Variants in CHN2 observed in about 807,000 individuals in gnomAD.
CHN2 encodes chimerin 2, also known as beta-chimaerin.
CHN2 carries 35 observed loss-of-function variants against 56.3 expected under a neutral mutation model. The observed-to-expected ratio is 0.62, with a 90% CI of 0.47 to 0.82. The LOEUF is 0.82. Ranked by LOEUF, CHN2 falls within the 40% of genes least tolerant of loss-of-function variation. The probability of loss-of-function intolerance (pLI) is 0.00; values close to 1 mark genes in which losing one functional copy is unlikely to be tolerated. For synonymous variants in CHN2, 210 were observed against 212.8 expected (o/e 0.99, Z 0.12); for missense variants, 491 against 580.5 (o/e 0.85, Z 1.58).
At chr7:29,329,534 T>C (rs1456360149) in intron 1 of CHN2, among the ~76,000 whole-genome samples, 1 of 152,164 alleles carries the variant, frequency 6.6e-6, no homozygotes, top group Non-Finnish European at 1.5e-5. Flanking sequence ...TTGCAGCATT[T>C]CTGAAATTGC....
At chr7:29,377,614 A>G (rs1800170824) in intron 3 of CHN2, among the ~76,000 whole-genome samples, 1 of 151,330 alleles carries the variant, frequency 6.6e-6, no homozygotes. Flanking sequence ...ATTTTAGATA[A>G]CGAATTTGCT....
chr7:29,469,106 G>A (rs4398804), intron 6 of CHN2, among the ~76,000 whole-genome samples: 105,798 of 152,030 alleles, frequency 0.7, 37,217 homozygotes, highest in African/African-American at 0.8. Flanking sequence ...CTAGCTGCTC[G>A]TGCCCAAAAC....
intron 6 of CHN2, among the ~76,000 whole-genome samples, chr7:29,464,196 A>T (rs1785386555): frequency 6.6e-6 from 1 of 152,210 alleles, no homozygotes; most frequent in South Asian, 2.1e-4. Context: ...ACTAGAAACT[A>T]TGTGTATTGC....
chr7:29,445,808 T>G (rs1034698450), intron 6 of CHN2, among the ~76,000 whole-genome samples: 2 of 152,132 alleles, frequency 1.3e-5, no homozygotes, highest in Non-Finnish European at 2.9e-5. Context: ...ACAAATTAAA[T>G]AAATCGATCA....
At chr7:29,467,905 T>G (rs1785668203) in intron 6 of CHN2, among the ~76,000 whole-genome samples, 1 of 152,198 alleles carries the variant, frequency 6.6e-6, no homozygotes, top group African/African-American at 2.4e-5. Flanking sequence ...TCTGTTTTGT[T>G]GCTGATACGA....
At chr7:29,308,274 T>C (rs1363820557) in intron 1 of CHN2, among the ~76,000 whole-genome samples, 1 of 152,172 alleles carries the variant, frequency 6.6e-6, no homozygotes, top group Non-Finnish European at 1.5e-5. Flanking sequence ...TCATGCTGTT[T>C]CCTCTGCCTT....
chr7:29,189,324 CTGAG>C (rs1302122799), intron 2 of CHN2, among the ~76,000 whole-genome samples: 1 of 152,048 alleles, frequency 6.6e-6, no homozygotes, highest in Non-Finnish European at 1.5e-5. Context: ...GTCAACATGA[CTGAG>C]TGAATTAATG....
Position 29,375,946 on chromosome 7 carries a change from C to T in CHN2, c.144+7959C>T, listed in dbSNP as rs534114615. Among the ~76,000 whole-genome samples the T allele has an allele frequency of 3.3e-5, 5 of 152,320 alleles. No individual in the cohort carries two copies. The South Asian group carries it at 1.0e-3, about 32-fold the overall frequency. On this transcript the variant is annotated intron_variant, in intron 3 of 12. Transcript: ENST00000222792. ...TGGAGCTATAGTGAGGATTTAAAGA[C>T]ATGCTTCACATTTTGCTCACCTGGT...
At chr7:29,509,916 C>G (rs1791101269) in intron 12 of CHN2, among the ~76,000 whole-genome samples, 1 of 151,944 alleles carries the variant, frequency 6.6e-6, no homozygotes, top group Non-Finnish European at 1.5e-5. Flanking sequence ...TTGCTGATGC[C>G]TGGGGAGGTT....
chr7:29,243,145 G>A (rs1309606373), intron 1 of CHN2, among the ~76,000 whole-genome samples: 2 of 151,876 alleles, frequency 1.3e-5, no homozygotes, highest in Non-Finnish European at 2.9e-5. Flanking sequence ...TACGGCATGG[G>A]GAGGATTTTA....
chr7:29,463,571 G>C (rs1345752070), intron 6 of CHN2, among the ~76,000 whole-genome samples: 1 of 152,192 alleles, frequency 6.6e-6, no homozygotes, highest in Non-Finnish European at 1.5e-5. Flanking sequence ...ATGTCATTTG[G>C]GGGTAAAGGA....
chr7:29,293,242 C>T (rs1050377564), intron 1 of CHN2, among the ~76,000 whole-genome samples: 1 of 152,124 alleles, frequency 6.6e-6, no homozygotes, highest in African/African-American at 2.4e-5. Flanking sequence ...CACCTTGTCC[C>T]CTTGGCCCTG....
chr7:29,487,759 T>C (rs765265763), intron 7 of CHN2, among the ~76,000 whole-genome samples: 3 of 151,886 alleles, frequency 2.0e-5, no homozygotes, highest in Non-Finnish European at 4.4e-5. Flanking sequence ...TGTCTCTCCT[T>C]CTCCCTCTCC....
intron 1 of CHN2, among the ~76,000 whole-genome samples, chr7:29,229,324 T>C (rs1475295039): frequency 6.6e-6 from 1 of 152,156 alleles, no homozygotes; most frequent in Non-Finnish European, 1.5e-5. Context: ...GTGCACCAGA[T>C]TGTAATATTA....
chr7:29,379,248 C>T (rs756599605), intron 3 of CHN2, among the ~76,000 whole-genome samples: 3 of 152,180 alleles, frequency 2.0e-5, no homozygotes, highest in Non-Finnish European at 2.9e-5. Flanking sequence ...TTCTGATGGT[C>T]ACTTTCTCCA....
intron 1 of CHN2, among the ~76,000 whole-genome samples, chr7:29,286,033 G>T (rs529100404): frequency 6.6e-6 from 1 of 152,176 alleles, no homozygotes; most frequent in East Asian, 1.9e-4. Context: ...CCAAGTACAG[G>T]CATTAAGTCC....
chr7:29,457,398 G>A (rs188270855), intron 6 of CHN2, among the ~76,000 whole-genome samples: 126 of 152,260 alleles, frequency 8.3e-4, no homozygotes, highest in African/African-American at 2.8e-3. Flanking sequence ...CCCCCAGGCC[G>A]TCTCAGAGCT....
At chr7:29,197,042 T>A (rs1039758056) in intron 1 of CHN2, among the ~76,000 whole-genome samples, 4 of 152,208 alleles carry the variant, frequency 2.6e-5, no homozygotes, top group Non-Finnish European at 5.9e-5. Context: ...AGTTCTCTTT[T>A]AAAGCACACT....
intron 6 of CHN2, among the ~76,000 whole-genome samples, chr7:29,422,265 G>C (rs910615864): frequency 2.0e-5 from 3 of 152,136 alleles, no homozygotes; most frequent in Admixed American, 2.0e-4. Flanking sequence ...ACCTCTTTCA[G>C]CCTGAGCTTT....
Sources: gnomAD v4.1 joint callset for allele counts (sites outside exome capture counted in the v4.1 genomes callset) on GRCh38, gnomAD v4.1.1 for gene constraint, MANE v1.5 for transcripts, NCBI Gene and HGNC (gene_info 2026-07-23, HGNC 2026-07-21) for gene names.